PSD2: variants seen among roughly 807,000 people sequenced by gnomAD.
PSD2 encodes the protein PH and SEC7 domain-containing protein 2.
In PSD2, 38 loss-of-function variants were observed where a neutral mutation model predicts 69.8. That is an observed-to-expected ratio of 0.54 (90% confidence interval 0.42 to 0.71). PSD2 has a LOEUF of 0.71. Among genes scored for constraint, PSD2 ranks in the 30% least tolerant of loss-of-function variants. The probability of loss-of-function intolerance (pLI) is 0.00; values close to 1 mark genes in which losing one functional copy is unlikely to be tolerated. For synonymous variants in PSD2, 412 were observed against 423.0 expected (o/e 0.97, Z 0.32); for missense variants, 943 against 1,014.5 (o/e 0.93, Z 0.96).
Position 139,842,643 on chromosome 5 carries a change from T to C in PSD2, c.*169T>C, listed in dbSNP as rs1760903911. ...ATGGAGATGCCGTTTGTGGCGTTGA[T>C]CTCCTTGCGTCCTTGGGCATCTCCG... On this transcript the variant is annotated 3_prime_UTR_variant, in exon 15 of 15. Transcript: ENST00000274710. 3.2e-6 allele frequency: 2 copies of C among 620,580 alleles called. No individual in the cohort carries two copies. Among genetic ancestry groups the C allele is most frequent in the Non-Finnish European group, 2.8e-6 (1 of 355,180 alleles). 38.4% of individuals were successfully genotyped at this position (620,580 alleles called of 1,614,324 possible). A position where few individuals can be genotyped will look rare whatever the true frequency, so the allele number is the denominator to read the frequency against.
chr5:139,765,209 T>A, the PSD2 span, among the ~76,000 whole-genome samples: 26,116 of 152,016 alleles, frequency 0.17, 2,927 homozygotes, highest in African/African-American at 0.32. Flanking sequence ...GCCTTCCAGT[T>A]CTTCCCAGCA....
chr5:139,830,565 CCTTTCTTTCTTT>C (rs778306206), intron 7 of PSD2, among the ~76,000 whole-genome samples: 1 of 120,366 alleles, frequency 8.3e-6, no homozygotes, highest in Non-Finnish European at 1.7e-5. Flanking sequence ...TTCCTTCCTT[CCTTTCTTTCTTT>C]CTTTCTTTCT....
At chr5:139,832,054 T>G (rs1259981766) in intron 7 of PSD2, among the ~76,000 whole-genome samples, 1 of 152,222 alleles carries the variant, frequency 6.6e-6, no homozygotes. Context: ...CCCTGCAGGA[T>G]CCTCACCCTT....
At chr5:139,770,056 G>A in the PSD2 span, among the ~76,000 whole-genome samples, 25 of 152,356 alleles carry the variant, frequency 1.6e-4, no homozygotes, top group African/African-American at 5.8e-4. Flanking sequence ...TGGGGCTCCT[G>A]TGTGCATGCA....
chr5:139,835,826 G>A, intron 9 of PSD2, 60 bp downstream of exon 9: 1 of 1,538,020 alleles, frequency 6.5e-7, no homozygotes, highest in Non-Finnish European at 9.0e-7. Context: ...GGGGAGTGTG[G>A]GGGTGCAGGT....
chr5:139,792,412 C>T (rs1023693804), upstream of PSD2, among the ~76,000 whole-genome samples: 6 of 152,128 alleles, frequency 3.9e-5, no homozygotes, highest in African/African-American at 1.4e-4. Flanking sequence ...TGACCATGCC[C>T]AATGCAGCTG....
At chr5:139,841,347 A>G (rs1760865441) in intron 14 of PSD2, among the ~76,000 whole-genome samples, 2 of 152,254 alleles carry the variant, frequency 1.3e-5, no homozygotes, top group South Asian at 4.1e-4. Flanking sequence ...AACACTAGGC[A>G]TAAATGGGAT....
In PSD2 at chr5:139,822,025, C is replaced by G; in HGVS notation, c.1210+20C>G. On this transcript the variant is annotated intron_variant, in intron 6 of 14. Transcript: ENST00000274710. ...CGGAAGGTATGGCCCCTTGCCCACT[C>G]TGCCTGACCCTCCCCACCCACTCAG... The G allele has an allele frequency of 6.7e-7, 1 of 1,500,096 alleles. No individual in the cohort carries two copies. Among genetic ancestry groups the G allele is most frequent in the South Asian group, 1.2e-5 (1 of 84,556 alleles). The allele number at this position is 1,500,096 out of a possible 1,614,324, so 92.9% of individuals were successfully genotyped here. A position where few individuals can be genotyped will look rare whatever the true frequency, so the allele number is the denominator to read the frequency against.
In PSD2 at chr5:139,809,567, C is replaced by T; in HGVS notation, c.127C>T (p.Leu43Phe). 6.2e-7 allele frequency: 1 copy of T among 1,614,104 alleles called. No homozygotes were observed. Among genetic ancestry groups the T allele is most frequent in the South Asian group, 1.1e-5 (1 of 91,078 alleles). Residue 43 changes from leucine to phenylalanine, a missense_variant, in exon 2 of 15, where the codon CTC (leucine) becomes TTC (phenylalanine). Leu to Phe is a conservative substitution (Grantham distance 22). Around this residue, in one of 3 missense-constraint regions of PSD2, gnomAD observed 466 missense variants for 445.0 expected, o/e 1.05. Coordinates refer to ENST00000274710, the MANE Select transcript of PSD2 (RefSeq NM_032289.4). ...GMASEGLNSS[L>F]CSPGHERRGT... Reference sequence around the variant, plus strand: ...GGCCAGTGAGGGCCTGAACAGCAGCCTCTGCAGCCCAGGGCACGAGCGAAG... The same window carrying T: ...GGCCAGTGAGGGCCTGAACAGCAGCTTCTGCAGCCCAGGGCACGAGCGAAG...
the PSD2 span, among the ~76,000 whole-genome samples, chr5:139,751,695 C>T: frequency 1.1e-4 from 17 of 151,926 alleles, no homozygotes; most frequent in African/African-American, 3.6e-4. Flanking sequence ...TGTCGATGCT[C>T]ATCACCGCCC....
At chr5:139,808,680 G>A (rs1759870409) in intron 1 of PSD2, among the ~76,000 whole-genome samples, 1 of 152,198 alleles carries the variant, frequency 6.6e-6, no homozygotes, top group African/African-American at 2.4e-5. Flanking sequence ...CTCCCAGACA[G>A]CTGGGGCTCT....
At chr5:139,756,966 A>G in the PSD2 span, among the ~76,000 whole-genome samples, 1 of 152,194 alleles carries the variant, frequency 6.6e-6, no homozygotes, top group Non-Finnish European at 1.5e-5. Context: ...CCATTCATCC[A>G]CACAACAGCT....
rs1759898944 is a variant in PSD2 at position 139,809,539 on chromosome 5, G to A, written c.99G>A (p.Gly33=). ...EPEEEPGVRN[G]MASEGLNSSL... is the part of the protein sequence containing the mutation. Reference sequence around the variant, plus strand: ...AAGAGGAGCCAGGGGTCCGGAATGGGATGGCCAGTGAGGGCCTGAACAGCA... The same window carrying A: ...AAGAGGAGCCAGGGGTCCGGAATGGAATGGCCAGTGAGGGCCTGAACAGCA... Residue 33 remains glycine (G), a synonymous_variant, in exon 2 of 15, where the codon GGG becomes GGA. Coordinates refer to ENST00000274710, the MANE Select transcript of PSD2 (RefSeq NM_032289.4). 6.2e-7 allele frequency: 1 copy of A among 1,613,620 alleles called. No homozygotes were observed. The highest frequency in any genetic ancestry group is 8.5e-7 in the Non-Finnish European group (1 of 1,179,728).
Position 139,843,356 on chromosome 5 carries a change from C to A in PSD2, c.*882C>A, listed in dbSNP as rs971407147. On this transcript the variant is annotated 3_prime_UTR_variant, in exon 15 of 15. Coordinates refer to ENST00000274710, the MANE Select transcript of PSD2 (RefSeq NM_032289.4). ...GACCTGTGACTTATACTGCTCTTAC[C>A]GATGATACTTTTGGAAAAAATAGAG... The A allele has an allele frequency of 1.3e-5, 2 of 152,180 alleles. No homozygotes were observed. The highest frequency in any genetic ancestry group is 2.9e-5 in the Non-Finnish European group (2 of 68,044). 9.4% of individuals were successfully genotyped at this position (152,180 alleles called of 1,614,324 possible).
intron 1 of PSD2, among the ~76,000 whole-genome samples, chr5:139,798,772 A>G (rs1343755182): frequency 3.3e-5 from 5 of 152,242 alleles, no homozygotes; most frequent in South Asian, 4.1e-4. Flanking sequence ...TTCTACAAAA[A>G]TAATGCATTG....
chr5:139,821,076 G>A (rs983376269), intron 5 of PSD2, among the ~76,000 whole-genome samples: 24 of 152,108 alleles, frequency 1.6e-4, no homozygotes, highest in Admixed American at 3.9e-4. Context: ...TGGATTACAG[G>A]CATGCGCCAC....
At chr5:139,840,968 C>G (rs549197294) in intron 14 of PSD2, among the ~76,000 whole-genome samples, 1 of 152,292 alleles carries the variant, frequency 6.6e-6, no homozygotes, top group South Asian at 2.1e-4. Context: ...AGTCTATTCA[C>G]ATTGTTGTGT....
At chr5:139,770,776 A>G in the PSD2 span, among the ~76,000 whole-genome samples, 1 of 152,362 alleles carries the variant, frequency 6.6e-6, no homozygotes, top group South Asian at 2.1e-4. Flanking sequence ...GAGAATGTGC[A>G]TAAGTCAAGA....
rs934743350 is a variant in PSD2 at position 139,843,900 on chromosome 5, G to A, written c.*1426G>A. On this transcript the variant is annotated 3_prime_UTR_variant, in exon 15 of 15. Coordinates refer to ENST00000274710, the MANE Select transcript of PSD2 (RefSeq NM_032289.4). ...GTTTGGCCAGGAATTTGGCGTCAGT[G>A]GTAACACACTTAGTTAATAAAATAA... 1.3e-5 allele frequency: 2 copies of A among 152,140 alleles called. No individual in the cohort carries two copies. The highest frequency in any genetic ancestry group is 6.5e-5 in the Admixed American group (1 of 15,282). The allele number at this position is 152,140 out of a possible 1,614,324, so 9.4% of individuals were successfully genotyped here.
Sources: allele counts gnomAD v4.1 joint callset (sites outside exome capture counted in the v4.1 genomes callset), GRCh38; gene constraint gnomAD v4.1.1; regional missense constraint gnomAD v4.1.1; transcripts MANE v1.5; gene names NCBI Gene and HGNC (gene_info 2026-07-23, HGNC 2026-07-21).